Variants in HMCN1 observed in about 807,000 individuals in gnomAD.
The protein encoded by HMCN1 is hemicentin-1.
Under a neutral mutation model 625.9 loss-of-function variants are expected in HMCN1, and 321 were observed. That is an observed-to-expected ratio of 0.51 (90% CI 0.47 to 0.56). The LOEUF is 0.56. HMCN1 is among the 20% of genes least tolerant of loss of function. The probability of loss-of-function intolerance (pLI) is 0.00; values close to 1 mark genes in which losing one functional copy is unlikely to be tolerated. For synonymous variants in HMCN1, 2,425 were observed against 2,417.6 expected, an observed-to-expected ratio of 1.00 and a Z score of -0.09; for missense variants, 6,588 against 6,887.3, an observed-to-expected ratio of 0.96 and a Z score of 1.54.
intron 1 of HMCN1, among the ~76,000 whole-genome samples, chr1:185,806,207 GA>G (rs1186471542): frequency 1.3e-5 from 2 of 152,018 alleles, no homozygotes; most frequent in East Asian, 3.9e-4. Flanking sequence ...CATAGATGAG[GA>G]AACTGTCATT....
Position 186,019,609 on chromosome 1 carries a change from C to T in HMCN1, c.5539C>T (p.Gln1847Ter). ...GGTAAAATACAAGCCTGTCGCCTTG[C>T]AGTGCATAGCCAATGGGATTCCAAA... Reference protein sequence around the residue: ...VVVKYKPVALQCIANGIPNPS... With the variant: ...VVVKYKPVAL The change falls in exon 35 of 107, where the codon CAG becomes TAG. Residue 1847 changes from glutamine (Q) to a stop codon, truncating the protein, a stop_gained. Transcript: ENST00000271588. LOFTEE classifies it high-confidence loss of function. 2 of 1,609,704 alleles carry T rather than the reference C, an allele frequency of 1.2e-6. No individual in the cohort carries two copies. Among genetic ancestry groups the T allele is most frequent in the Non-Finnish European group, 1.7e-6 (2 of 1,176,262 alleles).
At chr1:185,746,932 C>T (rs1305927324) in intron 1 of HMCN1, among the ~76,000 whole-genome samples, 1 of 151,984 alleles carries the variant, frequency 6.6e-6, no homozygotes, top group Non-Finnish European at 1.5e-5. Flanking sequence ...GTGAGGACAC[C>T]AGTCATATTG....
rs553139317 is a variant in HMCN1, at chr1:185,889,929, C to T, written c.622-19408C>T. On this transcript the variant is annotated intron_variant, in intron 4 of 106. Transcript: ENST00000271588. Reference sequence around the variant, plus strand: ...CCTCTGGTAGAATTCGGCTGTGAATCCATCTGGTCTTTGACACTTTTTGGT... The same window carrying T: ...CCTCTGGTAGAATTCGGCTGTGAATTCATCTGGTCTTTGACACTTTTTGGT... 3.4e-5 allele frequency among the ~76,000 whole-genome samples: 5 copies of T among 148,178 alleles called. No homozygotes were observed. In the East Asian group the frequency reaches 9.7e-4, roughly 29 times the overall value.
At chr1:186,075,040 G>T in intron 53 of HMCN1, 149 bp downstream of exon 53, 1 of 683,322 alleles carries the variant, frequency 1.5e-6, no homozygotes, top group South Asian at 1.9e-5. Context: ...AATTAAAGAA[G>T]GAAATAATCC....
chr1:185,995,074 G>A lies in HMCN1; in HGVS notation c.3765G>A (p.Thr1255=), dbSNP rs112519612. ...CAGGCACTGATGAAACAGAGATAAC[G>A]CTACATGTCCAAGGTGATTCTTGAC... The part of the protein sequence containing the change: ...NIAGTDETEI[T]LHVQEPPTVE... Residue 1255 remains threonine, a synonymous_variant, in exon 24 of 107, where the codon ACG becomes ACA. Transcript: ENST00000271588. 147 of 1,613,596 alleles carry A rather than the reference G, an allele frequency of 9.1e-5. No individual in the cohort carries two copies. In the East Asian group the frequency reaches 2.2e-3, roughly 24 times the overall value.
chr1:185,998,248 C>G (rs939623925), intron 25 of HMCN1, among the ~76,000 whole-genome samples: 1 of 152,112 alleles, frequency 6.6e-6, no homozygotes, highest in Non-Finnish European at 1.5e-5. Context: ...TCCATAACCT[C>G]CTGAATGCCT....
Position 185,995,028 on chromosome 1 carries a change from C to T in HMCN1, c.3719C>T (p.Thr1240Ile), listed in dbSNP as rs1390013777. Residue 1240 changes from threonine (T) to isoleucine (I), a missense_variant, in exon 24 of 107, where the codon ACA (threonine) becomes ATA (isoleucine). Coordinates refer to ENST00000271588, the MANE Select transcript of HMCN1 (RefSeq NM_031935.3). ...ACGCCCTCAGATGCTGGCATATATA[C>T]ATGTGTTGCTACTAACATAGCAGGC... is the stretch of plus-strand genomic sequence containing the variant. ...QATPSDAGIY[T>I]CVATNIAGTD... 6.2e-7 allele frequency: 1 copy of T among 1,613,750 alleles called. No individual in the cohort carries two copies. Among genetic ancestry groups the T allele is most frequent in the South Asian group, 1.1e-5 (1 of 91,074 alleles).
At chr1:186,047,851 C>T (rs1656677639) in intron 41 of HMCN1, among the ~76,000 whole-genome samples, 1 of 152,114 alleles carries the variant, frequency 6.6e-6, no homozygotes, top group South Asian at 2.1e-4. Flanking sequence ...CTATTGTTCA[C>T]ACCAATTGAT....
intron 4 of HMCN1, among the ~76,000 whole-genome samples, chr1:185,902,698 G>T (rs185951678): frequency 1.3e-5 from 2 of 151,670 alleles, no homozygotes; most frequent in East Asian, 1.9e-4. Flanking sequence ...CTAACTAGGG[G>T]TTGTTTTTGT....
intron 77 of HMCN1, among the ~76,000 whole-genome samples, chr1:186,118,833 G>T (rs1348432547): frequency 6.6e-6 from 1 of 152,214 alleles, no homozygotes; most frequent in Non-Finnish European, 1.5e-5. Context: ...CAGATTAGTG[G>T]TGGGCTAAGG....
In HMCN1 at chr1:186,117,572, A is replaced by T. The variant is rs184081240; in HGVS notation, c.11797A>T (p.Asn3933Tyr). Reference protein sequence around the residue: ...VPFPSIHWTKNGIRLLPRGDG... With the variant: ...VPFPSIHWTKYGIRLLPRGDG... Reference sequence around the variant, plus strand: ...ATTTCCCTCAATTCACTGGACCAAAAATGGTATAAGACTGCTTCCCAGGGG... The same window carrying T: ...ATTTCCCTCAATTCACTGGACCAAATATGGTATAAGACTGCTTCCCAGGGG... The change falls in exon 77 of 107, where the codon AAT becomes TAT. Residue 3933 changes from asparagine to tyrosine, a missense_variant. Asn to Tyr is a moderately radical substitution (Grantham distance 143, BLOSUM62 -2). This residue lies in a region of HMCN1 where 4,628 missense variants were observed against 4,853.1 expected (regional missense o/e 0.95). Transcript: ENST00000271588. The T allele has an allele frequency of 7.0e-5, 113 of 1,613,882 alleles. No individual in the cohort carries two copies. The East Asian group carries it at 2.0e-3, about 29-fold the overall frequency.
At chr1:185,762,311 C>T (rs1655565303) in intron 1 of HMCN1, among the ~76,000 whole-genome samples, 1 of 152,144 alleles carries the variant, frequency 6.6e-6, no homozygotes, top group Non-Finnish European at 1.5e-5. Flanking sequence ...GCAAGACAAG[C>T]TTTGCTGATG....
At position 186,114,827 on chromosome 1, in the gene HMCN1, T is replaced by A; in HGVS notation, c.11285T>A (p.Ile3762Asn). ...VLAGNHARYS[I>N]LENGFLHIQS... The stretch of plus-strand genomic sequence containing the variant: ...TGTGATTTCTCTTGTAGATATTCCA[T>A]CTTGGAAAATGGATTCCTTCATATT... Residue 3762 changes from isoleucine (I) to asparagine (N), a missense_variant, in exon 74 of 107, where the codon ATC (isoleucine) becomes AAC (asparagine). This residue lies in a region of HMCN1 where 4,628 missense variants were observed against 4,853.1 expected (regional missense o/e 0.95). Transcript: ENST00000271588. 1.2e-6 allele frequency: 2 copies of A among 1,614,194 alleles called. No homozygotes were observed. Among genetic ancestry groups the A allele is most frequent in the Non-Finnish European group, 1.7e-6 (2 of 1,180,012 alleles).
intron 1 of HMCN1, among the ~76,000 whole-genome samples, chr1:185,837,046 T>C (rs921928474): frequency 1.3e-4 from 20 of 149,644 alleles, no homozygotes; most frequent in African/African-American, 4.6e-4. Flanking sequence ...ATAAAATATA[T>C]ATATAAATAT....
In HMCN1 at chr1:186,153,250, CTCT is replaced by C. The variant is rs576627102; in HGVS notation, c.15018+381_15018+383del. On this transcript the variant is annotated intron_variant, in intron 96 of 106. Transcript: ENST00000271588. ...TTATTCATGACCTATAACTTTGAGT[CTCT>C]TATTAAACTGAAATTTATGACAGCA... is the stretch of plus-strand genomic sequence containing the variant. 9.1e-3 allele frequency among the ~76,000 whole-genome samples: 1,388 copies of C among 152,224 alleles called. 11 individuals carry two copies. The highest frequency in any genetic ancestry group is 0.02 in the Middle Eastern group (6 of 294).
At chr1:186,108,371 G>A in intron 70 of HMCN1, 90 bp from the exon 71 acceptor site, 3 of 1,572,664 alleles carry the variant, frequency 1.9e-6, no homozygotes, top group Admixed American at 1.7e-5. Context: ...TTAATTTTAT[G>A]CCTCTTATTA....
intron 1 of HMCN1, among the ~76,000 whole-genome samples, chr1:185,789,358 G>T (rs575959472): frequency 1.3e-5 from 2 of 152,270 alleles, no homozygotes; most frequent in African/African-American, 4.8e-5. Flanking sequence ...GCGCAAGTAG[G>T]TTCAGGGAGG....
intron 50 of HMCN1, among the ~76,000 whole-genome samples, chr1:186,068,288 A>G (rs1658253700): frequency 6.6e-6 from 1 of 152,192 alleles, no homozygotes; most frequent in Non-Finnish European, 1.5e-5. Context: ...CTGCTAAAAT[A>G]TATTATAATA....
intron 96 of HMCN1, 36 bp from the exon 97 acceptor site, chr1:186,153,714 C>G (rs1418525543): frequency 6.4e-7 from 1 of 1,554,204 alleles, no homozygotes; most frequent in Non-Finnish European, 8.9e-7. Flanking sequence ...TTAGTATGAG[C>G]CATATTGATC....
Sources: gnomAD v4.1 joint callset for allele counts (sites outside exome capture counted in the v4.1 genomes callset) on GRCh38, gnomAD v4.1.1 for gene constraint, gnomAD v4.1.1 regional missense constraint, MANE v1.5 for transcripts, NCBI Gene and HGNC (gene_info 2026-07-23, HGNC 2026-07-21) for gene names.